Variants in NEDD4L observed in about 807,000 individuals in gnomAD.
NEDD4L encodes E3 ubiquitin-protein ligase NEDD4-like.
In NEDD4L, 54 loss-of-function variants were observed where a neutral mutation model predicts 148.9. The observed-to-expected ratio is 0.36, with a 90% CI of 0.29 to 0.45. The LOEUF (loss-of-function observed/expected upper bound fraction) is 0.45, where lower values mean the gene tolerates loss of function less well. Among genes scored for constraint, NEDD4L ranks in the 20% least tolerant of loss-of-function variants. The pLI is 1.00. For synonymous variants in NEDD4L, 433 were observed against 440.7 expected, an observed-to-expected ratio of 0.98 and a Z score of 0.22; for missense variants, 856 against 1,233.8, an observed-to-expected ratio of 0.69 and a Z score of 4.59.
chr18:58,295,422 C>T (rs189406809), intron 5 of NEDD4L, among the ~76,000 whole-genome samples: 1 of 152,078 alleles, frequency 6.6e-6, no homozygotes, highest in South Asian at 2.1e-4. Context: ...TTTAAGGTTC[C>T]TCCGTGCCTC....
chr18:58,312,231 AT>A (rs2057782530), intron 5 of NEDD4L, among the ~76,000 whole-genome samples: 1 of 152,240 alleles, frequency 6.6e-6, no homozygotes, highest in Non-Finnish European at 1.5e-5. Flanking sequence ...TGAAAGGCAC[AT>A]TTTCAACCTT....
intron 1 of NEDD4L, among the ~76,000 whole-genome samples, chr18:58,078,379 T>C (rs955165728): frequency 6.6e-6 from 1 of 152,184 alleles, no homozygotes; most frequent in African/African-American, 2.4e-5. Context: ...TTGGGATGAA[T>C]GTAATGAATG....
At chr18:58,299,282 C>T (rs1393859728) in intron 5 of NEDD4L, among the ~76,000 whole-genome samples, 1 of 152,246 alleles carries the variant, frequency 6.6e-6, no homozygotes, top group Non-Finnish European at 1.5e-5. Context: ...GTGTCACCTC[C>T]TGTCTACAGT....
At chr18:58,066,012 A>G (rs1415076443) in intron 1 of NEDD4L, among the ~76,000 whole-genome samples, 1 of 152,252 alleles carries the variant, frequency 6.6e-6, no homozygotes, top group East Asian at 1.9e-4. Flanking sequence ...ATTCAGAAAT[A>G]ATCAGTCATA....
chr18:58,212,721 TC>T (rs1188407010), intron 2 of NEDD4L, among the ~76,000 whole-genome samples: 1 of 152,186 alleles, frequency 6.6e-6, no homozygotes, highest in Non-Finnish European at 1.5e-5. Flanking sequence ...TCTGCCCACC[TC>T]AGCCTCCCAA....
chr18:58,262,492 G>C (rs946032157), intron 5 of NEDD4L, among the ~76,000 whole-genome samples: 28 of 152,268 alleles, frequency 1.8e-4, no homozygotes, highest in Admixed American at 1.6e-3. Flanking sequence ...AGCCAGGCGT[G>C]GTGGCCTCTG....
chr18:58,088,247 A>G (rs538279556), intron 1 of NEDD4L, among the ~76,000 whole-genome samples: 11 of 152,332 alleles, frequency 7.2e-5, no homozygotes, highest in Admixed American at 2.0e-4. Context: ...CATTTCTGCA[A>G]TATCCTGTGG....
chr18:58,051,068 G>A (rs551145300), intron 1 of NEDD4L, among the ~76,000 whole-genome samples: 1 of 152,274 alleles, frequency 6.6e-6, no homozygotes, highest in South Asian at 2.1e-4. Flanking sequence ...ACCAGCCTGG[G>A]CAATGTGGTG....
intron 1 of NEDD4L, among the ~76,000 whole-genome samples, chr18:58,093,094 G>A (rs2084180340): frequency 6.6e-6 from 1 of 152,044 alleles, no homozygotes; most frequent in Non-Finnish European, 1.5e-5. Context: ...GCAGTATGTG[G>A]ACAGATTCTT....
intron 1 of NEDD4L, among the ~76,000 whole-genome samples, chr18:58,076,014 G>A (rs1040023844): frequency 2.6e-5 from 4 of 152,160 alleles, no homozygotes; most frequent in Non-Finnish European, 5.9e-5. Context: ...CACAAAGCAC[G>A]ATGGAAAATA....
Position 58,145,011 on chromosome 18 carries a change from T to C in NEDD4L, c.49-20777T>C, listed in dbSNP as rs1474099453. ...CCTGAGAGAGCCCAGAGACAAGCTC[T>C]GCAGGAAGCAGGCACCACCACTGGG... is the stretch of plus-strand genomic sequence containing the variant. On this transcript the variant is annotated intron_variant, in intron 1 of 30. Transcript: ENST00000400345. 7.9e-5 allele frequency among the ~76,000 whole-genome samples: 12 copies of C among 152,284 alleles called. No individual in the cohort carries two copies. The South Asian group carries it at 2.5e-3, about 32-fold the overall frequency.
chr18:58,381,718 A>G (rs148589618), intron 24 of NEDD4L, among the ~76,000 whole-genome samples: 11 of 152,306 alleles, frequency 7.2e-5, no homozygotes, highest in African/African-American at 2.6e-4. Context: ...GAAAAGAAGA[A>G]AAGCCAACCT....
At chr18:58,334,229 T>G (rs1279091156) in intron 12 of NEDD4L, among the ~76,000 whole-genome samples, 2 of 152,244 alleles carry the variant, frequency 1.3e-5, no homozygotes, top group African/African-American at 2.4e-5. Flanking sequence ...ATCTGTACTT[T>G]GAAAACACAT....
intron 5 of NEDD4L, among the ~76,000 whole-genome samples, chr18:58,308,670 G>C (rs967468335): frequency 1.3e-5 from 2 of 152,238 alleles, no homozygotes; most frequent in Non-Finnish European, 2.9e-5. Context: ...TTCAGTGCCT[G>C]GATGGTGGGA....
intron 1 of NEDD4L, among the ~76,000 whole-genome samples, chr18:58,123,244 T>A (rs2030325465): frequency 6.6e-6 from 1 of 152,188 alleles, no homozygotes; most frequent in African/African-American, 2.4e-5. Context: ...ATTCTTGACT[T>A]CTTCTGGTCC....
At chr18:58,378,782 C>T (rs540763424) in intron 24 of NEDD4L, among the ~76,000 whole-genome samples, 1 of 152,318 alleles carries the variant, frequency 6.6e-6, no homozygotes, top group African/African-American at 2.4e-5. Flanking sequence ...TTGCTCCACC[C>T]AAGTCCAGCA....
chr18:58,110,123 G>T (rs913955647), intron 1 of NEDD4L, among the ~76,000 whole-genome samples: 5 of 152,196 alleles, frequency 3.3e-5, no homozygotes, highest in Non-Finnish European at 7.3e-5. Flanking sequence ...ATCAAGATGG[G>T]TGTGTCTGGG....
intron 1 of NEDD4L, among the ~76,000 whole-genome samples, chr18:58,100,526 A>G (rs1187930481): frequency 6.6e-6 from 1 of 152,200 alleles, no homozygotes; most frequent in African/African-American, 2.4e-5. Flanking sequence ...GAATAGGATT[A>G]AAATACCCTT....
At chr18:58,235,692 C>G (rs2045931181) in intron 2 of NEDD4L, among the ~76,000 whole-genome samples, 1 of 151,990 alleles carries the variant, frequency 6.6e-6, no homozygotes, top group African/African-American at 2.4e-5. Flanking sequence ...TGAGACTGGT[C>G]AAGGAATTGA....
Sources: gnomAD v4.1 joint callset for allele counts (sites outside exome capture counted in the v4.1 genomes callset) on GRCh38, gnomAD v4.1.1 for gene constraint, MANE v1.5 for transcripts, NCBI Gene and HGNC (gene_info 2026-07-23, HGNC 2026-07-21) for gene names.